The following FXN variants were observed in gnomAD, a reference collection of about 807,000 sequenced individuals.
FXN encodes frataxin, also known as frataxin, mitochondrial.
FXN carries 14 observed loss-of-function variants against 22.4 expected under a neutral mutation model. That is an observed-to-expected ratio of 0.62 (90% CI 0.41 to 0.98). The LOEUF (loss-of-function observed/expected upper bound fraction) is 0.98. FXN is among the 50% of genes least tolerant of loss of function. FXN has a pLI of 0.00. For synonymous variants in FXN, 120 were observed against 114.1 expected (o/e 1.05, Z -0.33); for missense variants, 267 against 268.4 (o/e 0.99, Z 0.04).
chr9:69,069,822 A>G (rs904447306), intron 4 of FXN, among the ~76,000 whole-genome samples: 4 of 152,252 alleles, frequency 2.6e-5, no homozygotes, highest in Non-Finnish European at 4.4e-5. Flanking sequence ...GCAGAGACTA[A>G]GCAAGGTGCA....
In FXN at chr9:69,072,690, C is replaced by G; in HGVS notation, c.561C>G (p.Ala187=). Residue 187 remains alanine (A), a synonymous_variant, in exon 5 of 5, where the codon GCC becomes GCG. Transcript: ENST00000484259. ...GCGTGTCCCTCCATGAGCTGCTGGC[C>G]GCAGAGCTCACTAAAGCCTTAAAAA... ...HDGVSLHELL[A]AELTKALKTK... The G allele has an allele frequency of 1.9e-6, 3 of 1,614,174 alleles. No homozygotes were observed. The highest frequency in any genetic ancestry group is 2.5e-6 in the Non-Finnish European group (3 of 1,180,034).
chr9:69,058,195 G>T (rs1284000460), intron 3 of FXN, among the ~76,000 whole-genome samples: 2 of 152,102 alleles, frequency 1.3e-5, no homozygotes, highest in East Asian at 3.9e-4. Context: ...CTGATCAAGT[G>T]GTCCAGGTAA....
intron 4 of FXN, among the ~76,000 whole-genome samples, chr9:69,070,630 G>A (rs536756665): frequency 1.3e-5 from 2 of 152,306 alleles, no homozygotes; most frequent in South Asian, 4.1e-4. Context: ...ACTGTTATTG[G>A]TTGATGCTGC....
Position 69,077,970 on chromosome 9 carries a change from G to T in FXN, c.*5208G>T, listed in dbSNP as rs1369644315. 4.1e-6 allele frequency: 4 copies of T among 984,484 alleles called. No homozygotes were observed. Among genetic ancestry groups the T allele is most frequent in the Non-Finnish European group, 4.8e-6 (4 of 829,218 alleles). The allele number at this position is 984,484 out of a possible 1,614,324, so 61.0% of individuals were successfully genotyped here. On this transcript the variant is annotated 3_prime_UTR_variant, in exon 5 of 5. Transcript: ENST00000484259. Reference sequence around the variant, plus strand: ...CGTGTCTGCCATCTTAAGTGTAAAGGTGGCTAAATTATATAGAAAAATAAG... The same window carrying T: ...CGTGTCTGCCATCTTAAGTGTAAAGTTGGCTAAATTATATAGAAAAATAAG...
In FXN at chr9:69,077,427, T is replaced by C; in HGVS notation, c.*4665T>C. 1.0e-6 allele frequency: 1 copy of C among 985,392 alleles called. No individual in the cohort carries two copies. The highest frequency in any genetic ancestry group is 1.2e-6 in the Non-Finnish European group (1 of 829,894). The allele number at this position is 985,392 out of a possible 1,614,324, so 61.0% of individuals were successfully genotyped here. ...GCACCAGAACAGATTTATTGAAATG[T>C]TTATTAGCTGAAGATTTATTTAGAC... On this transcript the variant is annotated 3_prime_UTR_variant, in exon 5 of 5. Transcript: ENST00000484259.
At chr9:69,049,980 AG>A (rs1432830694) in intron 2 of FXN, among the ~76,000 whole-genome samples, 1 of 152,238 alleles carries the variant, frequency 6.6e-6, no homozygotes, top group Non-Finnish European at 1.5e-5. Flanking sequence ...CTCAAGACAT[AG>A]AATGTTACCA....
rs911702455 is a variant in FXN, at chr9:69,075,879, A to AT, written c.*3123dup. 9.8e-5 allele frequency: 56 copies of AT among 572,418 alleles called. No homozygotes were observed. In the African/African-American group the frequency reaches 1.1e-3, roughly 11 times the overall value. The allele number at this position is 572,418 out of a possible 1,614,324, so 35.5% of individuals were successfully genotyped here. A position where few individuals can be genotyped will look rare whatever the true frequency, so the allele number is the denominator to read the frequency against. Reference sequence around the variant, plus strand: ...ACCTCCATAGCTGGCTAATTTGTGTATTTTTTGTAGAGATGGGGTTTCACC... The same window carrying AT: ...ACCTCCATAGCTGGCTAATTTGTGTATTTTTTTGTAGAGATGGGGTTTCACC... On this transcript the variant is annotated 3_prime_UTR_variant, in exon 5 of 5. Coordinates refer to ENST00000484259, the MANE Select transcript of FXN (RefSeq NM_000144.5).
chr9:69,076,857 T>G lies in FXN; in HGVS notation c.*4095T>G, dbSNP rs2133145981. The G allele has an allele frequency of 1.0e-6, 1 of 985,494 alleles. No homozygotes were observed. The highest frequency in any genetic ancestry group is 4.7e-5 in the South Asian group (1 of 21,290). The allele number at this position is 985,494 out of a possible 1,614,324, so 61.0% of individuals were successfully genotyped here. On this transcript the variant is annotated 3_prime_UTR_variant, in exon 5 of 5. Coordinates refer to ENST00000484259, the MANE Select transcript of FXN (RefSeq NM_000144.5). ...GGAAGGAGGGGCAAAGTTTTGAAAT[T>G]TCATGTAAATTTATGCTGTTCAAAA...
chr9:69,078,269 G>A lies in FXN; in HGVS notation c.*5507G>A, dbSNP rs960138899. On this transcript the variant is annotated 3_prime_UTR_variant, in exon 5 of 5. Transcript: ENST00000484259. The stretch of plus-strand genomic sequence containing the variant: ...GGTGCCACTGACAGTTATGCAAACC[G>A]TCCAGAGCATAGCCACCTGATCCTG... The A allele has an allele frequency of 7.1e-6, 7 of 985,288 alleles. No individual in the cohort carries two copies. The highest frequency in any genetic ancestry group is 7.0e-5 in the African/African-American group (4 of 57,210). 61.0% of individuals were successfully genotyped at this position (985,288 alleles called of 1,614,324 possible). A position where few individuals can be genotyped will look rare whatever the true frequency, so the allele number is the denominator to read the frequency against.
In FXN at chr9:69,077,746, A is replaced by G. The variant is rs1426210937; in HGVS notation, c.*4984A>G. On this transcript the variant is annotated 3_prime_UTR_variant, in exon 5 of 5. Coordinates refer to ENST00000484259, the MANE Select transcript of FXN (RefSeq NM_000144.5). ...GGAGTTCGAGGCCAGCCTGGTCAAC[A>G]TGGTAAAACCCCGCCTCTACTAAAA... 4.1e-6 allele frequency: 3 copies of G among 726,564 alleles called. No individual in the cohort carries two copies. Among genetic ancestry groups the G allele is most frequent in the East Asian group, 2.6e-4 (2 of 7,620 alleles). 45.0% of individuals were successfully genotyped at this position (726,564 alleles called of 1,614,324 possible).
rs1832314296 is a variant in FXN, at chr9:69,073,659, G to A, written c.*897G>A. ...TCAGCCACAAAGTAGTTGTCCCTTT[G>A]TGGACAAGTTTCCCAAATTCCCTGG... On this transcript the variant is annotated 3_prime_UTR_variant, in exon 5 of 5. Transcript: ENST00000484259. The A allele has an allele frequency of 3.0e-6, 3 of 985,378 alleles. No individual in the cohort carries two copies. Among genetic ancestry groups the A allele is most frequent in the Non-Finnish European group, 3.6e-6 (3 of 829,928 alleles). 61.0% of individuals were successfully genotyped at this position (985,378 alleles called of 1,614,324 possible).
intron 4 of FXN, among the ~76,000 whole-genome samples, chr9:69,069,314 G>A (rs1832229892): frequency 6.6e-6 from 1 of 152,142 alleles, no homozygotes; most frequent in Admixed American, 6.5e-5. Context: ...GTAACGAACT[G>A]AAATCGTGCC....
intron 4 of FXN, among the ~76,000 whole-genome samples, chr9:69,071,481 C>T (rs1231550295): frequency 6.6e-6 from 1 of 152,164 alleles, no homozygotes; most frequent in African/African-American, 2.4e-5. Flanking sequence ...CATCAGGGTG[C>T]CACATGCACT....
chr9:69,060,357 C>T (rs377183209), intron 3 of FXN, among the ~76,000 whole-genome samples: 1 of 148,826 alleles, frequency 6.7e-6, no homozygotes. Flanking sequence ...GGTGACAGAG[C>T]GAGACTCCAT....
Position 69,077,590 on chromosome 9 carries a change from C to G in FXN, c.*4828C>G. The G allele has an allele frequency of 1.0e-6, 1 of 985,466 alleles. No individual in the cohort carries two copies. The highest frequency in any genetic ancestry group is 1.2e-6 in the Non-Finnish European group (1 of 829,954). 61.0% of individuals were successfully genotyped at this position (985,466 alleles called of 1,614,324 possible). On this transcript the variant is annotated 3_prime_UTR_variant, in exon 5 of 5. Transcript: ENST00000484259. Reference sequence around the variant, plus strand: ...GGGCCTCTGCTGTCCACTTGTGTTTCTGTGATCTGTGGGAACATTGTTAAC... The same window carrying G: ...GGGCCTCTGCTGTCCACTTGTGTTTGTGTGATCTGTGGGAACATTGTTAAC...
Position 69,078,686 on chromosome 9 carries a change from T to G in FXN, c.*5924T>G, listed in dbSNP as rs1043644164. On this transcript the variant is annotated 3_prime_UTR_variant, in exon 5 of 5. Coordinates refer to ENST00000484259, the MANE Select transcript of FXN (RefSeq NM_000144.5). ...CCAGATCCCTAAGTGTGCTGTGCTA[T>G]TTTCACGTGGCTCTCAGACTTGGCC... 2.2e-4 allele frequency: 60 copies of G among 274,336 alleles called. No individual in the cohort carries two copies. The African/African-American group carries it at 5.4e-3, about 25-fold the overall frequency. The allele number at this position is 274,336 out of a possible 1,614,324, so 17.0% of individuals were successfully genotyped here.
intron 2 of FXN, among the ~76,000 whole-genome samples, chr9:69,052,372 T>G (rs1831869125): frequency 6.6e-6 from 1 of 151,922 alleles, no homozygotes; most frequent in African/African-American, 2.4e-5. Flanking sequence ...CTGGCTAGTT[T>G]CAAACTCCTG....
Position 69,074,868 on chromosome 9 carries a change from G to A in FXN, c.*2106G>A, listed in dbSNP as rs1172271884. On this transcript the variant is annotated 3_prime_UTR_variant, in exon 5 of 5. Transcript: ENST00000484259. ...TTAAGTGCAGTAGGCCAGTGCCAGT[G>A]AGAAAATAAATAACATCATACATGT... The A allele has an allele frequency of 4.1e-6, 4 of 985,308 alleles. No individual in the cohort carries two copies. The highest frequency in any genetic ancestry group is 3.6e-6 in the Non-Finnish European group (3 of 829,902). 61.0% of individuals were successfully genotyped at this position (985,308 alleles called of 1,614,324 possible).
chr9:69,071,094 C>T lies in FXN; in HGVS notation c.483-1518C>T, dbSNP rs192735426. Reference sequence around the variant, plus strand: ...AGAATAAAGGAGAATTCTAGGGACACGTGGGCATCAGTGCCTGTGCTCAGA... The same window carrying T: ...AGAATAAAGGAGAATTCTAGGGACATGTGGGCATCAGTGCCTGTGCTCAGA... On this transcript the variant is annotated intron_variant, in intron 4 of 4. Transcript: ENST00000484259. 2,133 of 464,868 alleles carry T rather than the reference C, an allele frequency of 4.6e-3. 12 individuals are homozygous for T. The highest frequency in any genetic ancestry group is 5.2e-3 in the Non-Finnish European group (1,229 of 234,348). The allele number at this position is 464,868 out of a possible 1,614,324, so 28.8% of individuals were successfully genotyped here. A position where few individuals can be genotyped will look rare whatever the true frequency, so the allele number is the denominator to read the frequency against.
Sources: allele counts gnomAD v4.1 joint callset (sites outside exome capture counted in the v4.1 genomes callset), GRCh38; gene constraint gnomAD v4.1.1; transcripts MANE v1.5; gene names NCBI Gene and HGNC (gene_info 2026-07-23, HGNC 2026-07-21).